EIF3H: variants seen among roughly 807,000 people sequenced by gnomAD.
EIF3H encodes eukaryotic translation initiation factor 3 subunit H, also known as eIF-3-gamma.
Under a neutral mutation model 44.2 loss-of-function variants are expected in EIF3H, and 26 were observed. The ratio of observed to expected loss-of-function variants is 0.59; its 90% confidence interval spans 0.43 to 0.82. The LOEUF (loss-of-function observed/expected upper bound fraction) is 0.82. Ranked by LOEUF, EIF3H falls within the 40% of genes least tolerant of loss-of-function variation. The pLI is 0.00. For synonymous variants in EIF3H, 166 were observed against 151.9 expected (o/e 1.09, Z -0.68); for missense variants, 359 against 432.8 (o/e 0.83, Z 1.51).
At chr8:116,680,695 G>GCCTTTT (rs1813969014) in intron 2 of EIF3H, among the ~76,000 whole-genome samples, 1 of 135,762 alleles carries the variant, frequency 7.4e-6, no homozygotes, top group Non-Finnish European at 1.6e-5. Context: ...ACTGCGGAAG[G>GCCTTTT]CCGCAGGGTC....
chr8:116,764,500 A>G (rs1185286373), intron 1 of EIF3H, among the ~76,000 whole-genome samples: 1 of 152,204 alleles, frequency 6.6e-6, no homozygotes, highest in Non-Finnish European at 1.5e-5. Context: ...TGAGCATAAT[A>G]ATGATTTGGG....
chr8:116,731,128 A>G (rs1814943739), intron 1 of EIF3H, among the ~76,000 whole-genome samples: 2 of 152,220 alleles, frequency 1.3e-5, no homozygotes, highest in Admixed American at 6.5e-5. Flanking sequence ...TATTTTGCTT[A>G]TATGTATCAC....
At chr8:116,738,868 CTAACT>C (rs1016170086) in intron 1 of EIF3H, among the ~76,000 whole-genome samples, 14 of 152,204 alleles carry the variant, frequency 9.2e-5, no homozygotes, top group Admixed American at 2.6e-4. Flanking sequence ...ACCACTAAAA[CTAACT>C]TAAAAGTTAA....
At chr8:116,752,312 TTCTACAATTCCAA>T (rs1815357142) in intron 1 of EIF3H, among the ~76,000 whole-genome samples, 1 of 152,178 alleles carries the variant, frequency 6.6e-6, no homozygotes, top group African/African-American at 2.4e-5. Flanking sequence ...GAAGTGCTCT[TTCTACAATTCCAA>T]TCTACATTAG....
rs140233170 is a variant in EIF3H, at chr8:116,712,701, A to C, written c.289+13315T>G. 6.6e-5 allele frequency among the ~76,000 whole-genome samples: 10 copies of C among 152,310 alleles called. No homozygotes were observed. The East Asian group carries it at 1.9e-3, about 29-fold the overall frequency. On this transcript the variant is annotated intron_variant, in intron 2 of 7. Transcript: ENST00000521861. The stretch of plus-strand genomic sequence containing the variant: ...ACAGATATAAGAACAATCTCAAAAC[A>C]GATAAAGTCCCAAACTATCAAAATT...
At chr8:116,654,123 G>T (rs77432402) in intron 5 of EIF3H, among the ~76,000 whole-genome samples, 1 of 152,154 alleles carries the variant, frequency 6.6e-6, no homozygotes, top group Non-Finnish European at 1.5e-5. Context: ...AAAAAGCACT[G>T]CTTCAAAGTT....
chr8:116,703,154 T>C (rs531273519), intron 2 of EIF3H, among the ~76,000 whole-genome samples: 16 of 152,338 alleles, frequency 1.1e-4, no homozygotes, highest in African/African-American at 3.8e-4. Flanking sequence ...AATTATTAGT[T>C]TATGGTATTA....
At chr8:116,645,963 C>G (rs61364704) in intron 7 of EIF3H, among the ~76,000 whole-genome samples, 5,351 of 152,188 alleles carry the variant, frequency 0.035, 314 homozygotes, top group African/African-American at 0.12. Flanking sequence ...AAAATCAAGT[C>G]CTAGTACAGG....
intron 1 of EIF3H, among the ~76,000 whole-genome samples, chr8:116,761,889 T>C (rs763820233): frequency 5.3e-5 from 8 of 152,356 alleles, no homozygotes; most frequent in Non-Finnish European, 1.2e-4. Flanking sequence ...ATTTCCTTGA[T>C]GTTCCTTACC....
intron 2 of EIF3H, among the ~76,000 whole-genome samples, chr8:116,673,770 A>C (rs1420490372): frequency 6.6e-6 from 1 of 152,102 alleles, no homozygotes; most frequent in East Asian, 1.9e-4. Context: ...CATTCAGCAC[A>C]CTGTAAAGAG....
At chr8:116,659,566 A>T (rs974038282) in intron 2 of EIF3H, among the ~76,000 whole-genome samples, 4 of 152,136 alleles carry the variant, frequency 2.6e-5, no homozygotes, top group African/African-American at 4.8e-5. Context: ...TAAATTTTTT[A>T]AAGAATTATT....
At chr8:116,681,092 G>A (rs1813980761) in intron 2 of EIF3H, among the ~76,000 whole-genome samples, 1 of 152,132 alleles carries the variant, frequency 6.6e-6, no homozygotes, top group Admixed American at 6.5e-5. Flanking sequence ...GCCAGGCGTG[G>A]TGGCTCACAC....
chr8:116,695,007 A>G (rs926030500), intron 2 of EIF3H, among the ~76,000 whole-genome samples: 1 of 152,102 alleles, frequency 6.6e-6, no homozygotes, highest in Non-Finnish European at 1.5e-5. Context: ...AAGAAAGTGA[A>G]ACAAAGCAGC....
chr8:116,761,690 T>A (rs1388805301), intron 1 of EIF3H, among the ~76,000 whole-genome samples: 3 of 152,252 alleles, frequency 2.0e-5, no homozygotes, highest in Admixed American at 6.5e-5. Context: ...TGATAACTGA[T>A]GATGGGCACT....
chr8:116,673,900 C>T (rs547314199), intron 2 of EIF3H, among the ~76,000 whole-genome samples: 30 of 151,828 alleles, frequency 2.0e-4, no homozygotes, highest in African/African-American at 6.8e-4. Context: ...GAAACCCCGT[C>T]GCTACTAAAA....
intron 2 of EIF3H, among the ~76,000 whole-genome samples, chr8:116,699,873 C>A (rs889129206): frequency 6.6e-6 from 1 of 152,012 alleles, no homozygotes; most frequent in Non-Finnish European, 1.5e-5. Flanking sequence ...TGCAATAGTG[C>A]GATCTCAGCT....
rs566850946 is a variant in EIF3H, at chr8:116,674,559, C to T, written c.290-15579G>A. Among the ~76,000 whole-genome samples, 63 of 152,232 alleles carry T rather than the reference C, an allele frequency of 4.1e-4. 1 individual carries two copies. The South Asian group carries it at 0.012, about 29-fold the overall frequency. Reference sequence around the variant, plus strand: ...TTCCATTACAAACGAAAAAAGAAAACACCTAGTACCTCTCCATACAAGAAC... The same window carrying T: ...TTCCATTACAAACGAAAAAAGAAAATACCTAGTACCTCTCCATACAAGAAC... On this transcript the variant is annotated intron_variant, in intron 2 of 7. Coordinates refer to ENST00000521861, the MANE Select transcript of EIF3H (RefSeq NM_003756.3).
At chr8:116,711,190 G>T (rs1035792996) in intron 2 of EIF3H, among the ~76,000 whole-genome samples, 2 of 152,130 alleles carry the variant, frequency 1.3e-5, no homozygotes, top group Non-Finnish European at 2.9e-5. Context: ...GAGTCTCACT[G>T]TCGGTCACAT....
At chr8:116,723,176 C>T (rs766579401) in intron 2 of EIF3H, among the ~76,000 whole-genome samples, 1 of 152,164 alleles carries the variant, frequency 6.6e-6, no homozygotes, top group Non-Finnish European at 1.5e-5. Context: ...CCAACTGTGC[C>T]ACCAACCCAG....
Sources: allele counts gnomAD v4.1 joint callset (sites outside exome capture counted in the v4.1 genomes callset), GRCh38; gene constraint gnomAD v4.1.1; transcripts MANE v1.5; gene names NCBI Gene and HGNC (gene_info 2026-07-23, HGNC 2026-07-21).